PKP4: variants seen among roughly 807,000 people sequenced by gnomAD.
PKP4 encodes the protein plakophilin 4, also known as plakophilin-4.
In PKP4, 90 loss-of-function variants were observed where a neutral mutation model predicts 145.1. The observed-to-expected ratio is 0.62, with a 90% CI of 0.52 to 0.74. PKP4 has a LOEUF of 0.74. PKP4 is among the 30% of genes least tolerant of loss of function. The probability of loss-of-function intolerance (pLI) is 0.00; values close to 1 mark genes in which losing one functional copy is unlikely to be tolerated. For synonymous variants in PKP4, 563 were observed against 577.2 expected, an observed-to-expected ratio of 0.98 and a Z score of 0.35; for missense variants, 1,340 against 1,482.7, an observed-to-expected ratio of 0.90 and a Z score of 1.58.
chr2:158,545,516 G>A (rs1286558828), intron 2 of PKP4, among the ~76,000 whole-genome samples: 1 of 152,142 alleles, frequency 6.6e-6, no homozygotes, highest in Non-Finnish European at 1.5e-5. Flanking sequence ...GGGAGTCTAA[G>A]CAGTTGCAGA....
At chr2:158,624,521 C>T (rs190471185) in intron 6 of PKP4, among the ~76,000 whole-genome samples, 1 of 152,256 alleles carries the variant, frequency 6.6e-6, no homozygotes, top group African/African-American at 2.4e-5. Context: ...TGCCCCTTCA[C>T]GCTCATGAAT....
At chr2:158,677,190 T>G (rs1363509886) in intron 20 of PKP4, 1 of 365,820 alleles carries the variant, frequency 2.7e-6, no homozygotes, top group Non-Finnish European at 5.3e-6. Flanking sequence ...GCTCGAGCAG[T>G]CTCTGTGTTT....
At chr2:158,631,293 C>T (rs2053334657) in intron 7 of PKP4, among the ~76,000 whole-genome samples, 1 of 151,970 alleles carries the variant, frequency 6.6e-6, no homozygotes, top group African/African-American at 2.4e-5. Context: ...TGTGGCATTT[C>T]TCTTTGGTAA....
At chr2:158,482,326 C>T (rs1693485244) in intron 1 of PKP4, among the ~76,000 whole-genome samples, 1 of 152,128 alleles carries the variant, frequency 6.6e-6, no homozygotes, top group Non-Finnish European at 1.5e-5. Flanking sequence ...TTCCTTCCTT[C>T]CTTTCCAAGA....
Position 158,539,503 on chromosome 2 carries a change from G to A in PKP4, c.132+6187G>A, listed in dbSNP as rs538028096. On this transcript the variant is annotated intron_variant, in intron 2 of 21. Coordinates refer to ENST00000389759, the MANE Select transcript of PKP4 (RefSeq NM_003628.6). Reference sequence around the variant, plus strand: ...AGAAGAGAGAATTTTTATTTCAGCTGTAAACAAGCATAGTTTGTCACTTAA... The same window carrying A: ...AGAAGAGAGAATTTTTATTTCAGCTATAAACAAGCATAGTTTGTCACTTAA... 3.3e-5 allele frequency among the ~76,000 whole-genome samples: 5 copies of A among 152,308 alleles called. No individual in the cohort carries two copies. In the East Asian group the frequency reaches 9.6e-4, roughly 29 times the overall value.
chr2:158,632,955 G>A (rs1365854158), intron 8 of PKP4, among the ~76,000 whole-genome samples: 1 of 152,188 alleles, frequency 6.6e-6, no homozygotes, highest in Non-Finnish European at 1.5e-5. Flanking sequence ...AGTTACTGGA[G>A]GGATACCCAC....
intron 12 of PKP4, 78 bp downstream of exon 12, chr2:158,658,392 T>C: frequency 1.2e-6 from 1 of 861,808 alleles, no homozygotes; most frequent in Non-Finnish European, 1.8e-6. Context: ...TAGGAGGACT[T>C]ACTTTATTAA....
chr2:158,467,815 C>G (rs1428951106), intron 1 of PKP4, among the ~76,000 whole-genome samples: 1 of 151,832 alleles, frequency 6.6e-6, no homozygotes, highest in Admixed American at 6.6e-5. Context: ...CCACTGCACT[C>G]CAACCTGGGC....
chr2:158,628,768 A>G (rs968245945), intron 7 of PKP4, among the ~76,000 whole-genome samples: 1 of 152,240 alleles, frequency 6.6e-6, no homozygotes, highest in Non-Finnish European at 1.5e-5. Context: ...TAAAATGAGA[A>G]TATAACATTG....
chr2:158,471,848 A>G (rs1486647012), intron 1 of PKP4, among the ~76,000 whole-genome samples: 1 of 152,224 alleles, frequency 6.6e-6, no homozygotes, highest in Non-Finnish European at 1.5e-5. Flanking sequence ...ACTTCTGATT[A>G]TTGAAAAATT....
In PKP4 at chr2:158,577,249, CTTTTA is replaced by C; in HGVS notation, c.133-17_133-13del. On this transcript the variant is annotated splice_polypyrimidine_tract_variant and intron_variant, in intron 2 of 21. Transcript: ENST00000389759. ...CAGCATACCTTGGCGCCTTATATGCCTTTTATTTTCTTGAATCACAGGAGCTTCAG... is the reference window on the plus strand; with the variant it reads ...CAGCATACCTTGGCGCCTTATATGCCTTTTCTTGAATCACAGGAGCTTCAG... The C allele has an allele frequency of 6.4e-7, 1 of 1,555,592 alleles. No homozygotes were observed. Among genetic ancestry groups the C allele is most frequent in the Admixed American group, 1.7e-5 (1 of 58,410 alleles).
At chr2:158,495,764 G>A (rs76826960) in intron 1 of PKP4, among the ~76,000 whole-genome samples, 4,938 of 151,436 alleles carry the variant, frequency 0.033, 182 homozygotes, top group East Asian at 0.14. Flanking sequence ...AACCCAGGAG[G>A]CGGAGGTTGC....
At chr2:158,498,890 C>A (rs1696146237) in intron 1 of PKP4, among the ~76,000 whole-genome samples, 1 of 150,676 alleles carries the variant, frequency 6.6e-6, no homozygotes, top group Non-Finnish European at 1.5e-5. Context: ...TAACCAGGCA[C>A]AGCTTTCTGC....
At chr2:158,461,410 A>G (rs1192449696) in intron 1 of PKP4, among the ~76,000 whole-genome samples, 2 of 152,144 alleles carry the variant, frequency 1.3e-5, no homozygotes, top group Non-Finnish European at 2.9e-5. Context: ...TGATAACATT[A>G]TAGTTTATTA....
intron 3 of PKP4, 35 bp downstream of exon 3, chr2:158,577,418 C>T (rs2047949390): frequency 7.8e-7 from 1 of 1,288,298 alleles, no homozygotes; most frequent in Non-Finnish European, 1.1e-6. Context: ...TATGCACACT[C>T]AAGTTACATG....
At chr2:158,487,180 G>A (rs561705037) in intron 1 of PKP4, among the ~76,000 whole-genome samples, 26 of 152,180 alleles carry the variant, frequency 1.7e-4, no homozygotes, top group African/African-American at 5.5e-4. Flanking sequence ...TGTCAGCTTC[G>A]TGCGATAGTT....
At chr2:158,476,275 T>A (rs1298761905) in intron 1 of PKP4, among the ~76,000 whole-genome samples, 1 of 152,160 alleles carries the variant, frequency 6.6e-6, no homozygotes, top group Non-Finnish European at 1.5e-5. Flanking sequence ...TGCTGGGATG[T>A]CATATGATTC....
chr2:158,680,280 A>G, intron 21 of PKP4, 149 bp from the exon 22 acceptor site: 2 of 638,196 alleles, frequency 3.1e-6, no homozygotes, highest in Admixed American at 3.0e-5. Context: ...GTAAACGCAT[A>G]GTGTGCACCA....
At chr2:158,520,162 T>G (rs780858587) in intron 1 of PKP4, among the ~76,000 whole-genome samples, 1 of 152,198 alleles carries the variant, frequency 6.6e-6, no homozygotes, top group African/African-American at 2.4e-5. Context: ...CCTTGTGTTA[T>G]AGGGGCAAGT....
Sources: gnomAD v4.1 joint callset for allele counts (sites outside exome capture counted in the v4.1 genomes callset) on GRCh38, gnomAD v4.1.1 for gene constraint, MANE v1.5 for transcripts, NCBI Gene and HGNC (gene_info 2026-07-23, HGNC 2026-07-21) for gene names.